ABCC4: variants seen among roughly 807,000 people sequenced by gnomAD.
ABCC4 encodes ATP-binding cassette sub-family C member 4.
In ABCC4, 102 loss-of-function variants were observed where a neutral mutation model predicts 168.5. That is an observed-to-expected ratio of 0.61 (90% confidence interval 0.52 to 0.71). ABCC4 has a LOEUF of 0.71. ABCC4 is among the 30% of genes least tolerant of loss of function. ABCC4 has a pLI of 0.00. For synonymous variants in ABCC4, 617 were observed against 590.7 expected (o/e 1.04, Z -0.65); for missense variants, 1,402 against 1,605.8 (o/e 0.87, Z 2.17).
rs772669285 is a variant in ABCC4 at position 95,207,915 on chromosome 13, C to G, written c.796G>C (p.Ala266Pro). The change falls in exon 7 of 31, where the codon GCA becomes CCA. Residue 266 changes from alanine (A) to proline (P), a missense_variant. By Grantham distance (27) the Ala-to-Pro change is conservative. Coordinates refer to ENST00000645237, the MANE Select transcript of ABCC4 (RefSeq NM_005845.5). ...CTGATCCTGGCATCCGTGAAAGTTG[C>G]AGTTTTACTCCTAAGGGGAACCAGA... is the stretch of plus-strand genomic sequence containing the variant. ...KLFSSLRSKTATFTDARIRTM... is the reference protein window; with the variant it reads ...KLFSSLRSKTPTFTDARIRTM... 6 of 1,613,712 alleles carry G rather than the reference C, an allele frequency of 3.7e-6. No homozygotes were observed. Among genetic ancestry groups the G allele is most frequent in the Non-Finnish European group, 5.1e-6 (6 of 1,179,934 alleles).
At position 95,155,427 on chromosome 13, in the gene ABCC4, T is replaced by A. The variant is rs566686609; in HGVS notation, c.2455+5762A>T. Among the ~76,000 whole-genome samples the A allele has an allele frequency of 3.3e-5, 5 of 152,234 alleles. No homozygotes were observed. In the South Asian group the frequency reaches 1.0e-3, roughly 32 times the overall value. Reference sequence around the variant, plus strand: ...AGAATATGTCTATCTTAAAATCTAGTACTAGCATTCGCATTCCATACCTCA... The same window carrying A: ...AGAATATGTCTATCTTAAAATCTAGAACTAGCATTCGCATTCCATACCTCA... On this transcript the variant is annotated intron_variant, in intron 19 of 30. Transcript: ENST00000645237.
intron 20 of ABCC4, among the ~76,000 whole-genome samples, chr13:95,083,633 T>C (rs1474177239): frequency 6.6e-6 from 1 of 151,934 alleles, no homozygotes; most frequent in African/African-American, 2.4e-5. Flanking sequence ...TTCAAGTGAT[T>C]CTCCTGCCTC....
chr13:95,181,270 A>T (rs2037879146), intron 11 of ABCC4, among the ~76,000 whole-genome samples: 1 of 152,244 alleles, frequency 6.6e-6, no homozygotes, highest in Non-Finnish European at 1.5e-5. Context: ...ACCACTGAGG[A>T]CACTATGGGG....
chr13:95,113,348 T>C (rs1252765729), intron 20 of ABCC4, among the ~76,000 whole-genome samples: 1 of 152,226 alleles, frequency 6.6e-6, no homozygotes, highest in African/African-American at 2.4e-5. Context: ...GCTAATAGGC[T>C]TCTAATTAAT....
At chr13:95,278,051 C>T (rs1449342461) in intron 1 of ABCC4, among the ~76,000 whole-genome samples, 1 of 152,192 alleles carries the variant, frequency 6.6e-6, no homozygotes, top group East Asian at 1.9e-4. Context: ...CCTACCCCAC[C>T]GCGGTCAACC....
chr13:95,240,093 G>C (rs895957251), intron 3 of ABCC4, among the ~76,000 whole-genome samples: 4 of 152,144 alleles, frequency 2.6e-5, no homozygotes, highest in African/African-American at 7.2e-5. Context: ...CAAGCTTCTA[G>C]ATCTAACTAC....
intron 4 of ABCC4, among the ~76,000 whole-genome samples, chr13:95,227,739 T>C (rs1370291030): frequency 6.6e-6 from 1 of 152,192 alleles, no homozygotes; most frequent in Non-Finnish European, 1.5e-5. Context: ...AGAAGAGTCT[T>C]GTTCTGTCAC....
At chr13:95,192,984 T>C (rs754545210) in intron 9 of ABCC4, among the ~76,000 whole-genome samples, 10 of 152,204 alleles carry the variant, frequency 6.6e-5, no homozygotes, top group Non-Finnish European at 1.5e-5. Flanking sequence ...AGAGAAACTG[T>C]CACCTTGTGT....
chr13:95,250,984 C>T (rs1191317011), intron 1 of ABCC4, among the ~76,000 whole-genome samples: 1 of 152,014 alleles, frequency 6.6e-6, no homozygotes, highest in Non-Finnish European at 1.5e-5. Flanking sequence ...GACCAGGTCT[C>T]TCTATGTTGC....
chr13:95,280,429 A>G (rs2041087815), intron 1 of ABCC4, among the ~76,000 whole-genome samples: 1 of 151,604 alleles, frequency 6.6e-6, no homozygotes, highest in Admixed American at 6.6e-5. Context: ...AAAAAAAAAA[A>G]AAAAAGGCCT....
intron 19 of ABCC4, among the ~76,000 whole-genome samples, chr13:95,148,242 G>A (rs1000546357): frequency 1.3e-5 from 2 of 152,084 alleles, no homozygotes; most frequent in Non-Finnish European, 2.9e-5. Flanking sequence ...AAAAAGGATT[G>A]TACTGTTAAT....
At chr13:95,209,327 G>A in intron 6 of ABCC4, 107 bp downstream of exon 6, 1 of 1,304,250 alleles carries the variant, frequency 7.7e-7, no homozygotes, top group South Asian at 1.5e-5. Flanking sequence ...ACATATGCAA[G>A]GAAGAGATAA....
chr13:95,233,379 T>C (rs2039678049), intron 4 of ABCC4, among the ~76,000 whole-genome samples: 1 of 151,368 alleles, frequency 6.6e-6, no homozygotes, highest in Non-Finnish European at 1.5e-5. Context: ...ACCATTATCC[T>C]AAGCGAATTA....
intron 8 of ABCC4, among the ~76,000 whole-genome samples, chr13:95,202,998 C>T (rs914326624): frequency 3.3e-5 from 5 of 152,210 alleles, no homozygotes; most frequent in African/African-American, 1.2e-4. Context: ...GCTAAAGCCC[C>T]GGATCAGCCT....
intron 4 of ABCC4, among the ~76,000 whole-genome samples, chr13:95,223,022 A>G (rs1363429667): frequency 6.6e-6 from 1 of 152,204 alleles, no homozygotes; most frequent in Non-Finnish European, 1.5e-5. Context: ...AACTTGCCCA[A>G]GAAAAAACAA....
chr13:95,213,668 T>C (rs34989831), intron 4 of ABCC4, among the ~76,000 whole-genome samples: 26,516 of 152,022 alleles, frequency 0.17, 2,404 homozygotes, highest in Non-Finnish European at 0.19. Flanking sequence ...GAAGGCTATG[T>C]CTTAGTAATA....
chr13:95,109,122 G>C (rs1160680279), intron 20 of ABCC4, among the ~76,000 whole-genome samples: 1 of 152,186 alleles, frequency 6.6e-6, no homozygotes, highest in Non-Finnish European at 1.5e-5. Flanking sequence ...TCCTGGAAAA[G>C]TACTTGGCAT....
intron 30 of ABCC4, 33 bp from the exon 31 acceptor site, chr13:95,021,715 G>C: frequency 6.7e-7 from 1 of 1,498,478 alleles, no homozygotes; most frequent in Non-Finnish European, 9.2e-7. Flanking sequence ...TAAAAAGAAT[G>C]TTTCAAAATT....
chr13:95,260,258 G>T (rs1457709452), intron 1 of ABCC4, among the ~76,000 whole-genome samples: 1 of 152,110 alleles, frequency 6.6e-6, no homozygotes, highest in East Asian at 1.9e-4. Flanking sequence ...CCTCAGCCTG[G>T]GGAGTTTTAC....
Sources: allele counts gnomAD v4.1 joint callset (sites outside exome capture counted in the v4.1 genomes callset), GRCh38; gene constraint gnomAD v4.1.1; transcripts MANE v1.5; gene names NCBI Gene and HGNC (gene_info 2026-07-23, HGNC 2026-07-21).